Variants in ATP2B4 observed in about 807,000 individuals in gnomAD.
ATP2B4 encodes the protein plasma membrane calcium-transporting ATPase 4.
A neutral mutation model predicts 110.3 loss-of-function variants in ATP2B4; 39 were observed. The observed-to-expected ratio is 0.35, with a 90% confidence interval of 0.27 to 0.46. ATP2B4 has a LOEUF of 0.46. Among genes scored for constraint, ATP2B4 ranks in the 20% least tolerant of loss-of-function variants. ATP2B4 has a pLI of 1.00. For missense variants in ATP2B4, 1,135 were observed against 1,530.9 expected (o/e 0.74, Z 4.32); for synonymous variants, 538 against 571.7 (o/e 0.94, Z 0.84).
chr1:203,633,879 C>T (rs960896669), intron 1 of ATP2B4, among the ~76,000 whole-genome samples: 7 of 151,820 alleles, frequency 4.6e-5, no homozygotes, highest in Admixed American at 1.3e-4. Flanking sequence ...GGAGAAACCC[C>T]GTCTCTACTA....
At chr1:203,643,987 T>C (rs925497303) in intron 1 of ATP2B4, among the ~76,000 whole-genome samples, 1 of 152,116 alleles carries the variant, frequency 6.6e-6, no homozygotes, top group Non-Finnish European at 1.5e-5. Context: ...TGGTGGCTCA[T>C]GTTTGTAATC....
intron 1 of ATP2B4, among the ~76,000 whole-genome samples, chr1:203,682,337 C>T (rs1455267798): frequency 6.6e-6 from 1 of 152,142 alleles, no homozygotes; most frequent in Non-Finnish European, 1.5e-5. Context: ...TTTTTCTGAC[C>T]TCTTCTCATC....
At chr1:203,738,926 G>A (rs1165679900) in intron 20 of ATP2B4, among the ~76,000 whole-genome samples, 1 of 152,176 alleles carries the variant, frequency 6.6e-6, no homozygotes, top group Non-Finnish European at 1.5e-5. Flanking sequence ...ATTATTATTA[G>A]AGAGTTTTAA....
At position 203,739,422 on chromosome 1, in the gene ATP2B4, A is replaced by T. The variant is rs199735398; in HGVS notation, c.3310-124A>T. ...CTCTTCTGATGTGTGTTTGGTTTTG[A>T]TGCTGAGCAGTCATGTTTTATAGTC... On this transcript the variant is annotated intron_variant, in intron 20 of 20. Transcript: ENST00000357681. The T allele has an allele frequency of 1.6e-3, 1,558 of 945,734 alleles. 18 individuals are homozygous for T. The East Asian group carries it at 0.025, about 15-fold the overall frequency. 58.6% of individuals were successfully genotyped at this position (945,734 alleles called of 1,614,324 possible). A position where few individuals can be genotyped will look rare whatever the true frequency, so the allele number is the denominator to read the frequency against.
intron 1 of ATP2B4, among the ~76,000 whole-genome samples, chr1:203,680,817 A>G (rs184039646): frequency 8.9e-4 from 135 of 152,338 alleles, no homozygotes; most frequent in Non-Finnish European, 1.3e-4. Context: ...AAGGCTAAGT[A>G]ACATCCCTGT....
chr1:203,639,114 A>G (rs1031142475), intron 1 of ATP2B4, among the ~76,000 whole-genome samples: 2 of 152,136 alleles, frequency 1.3e-5, no homozygotes, highest in Non-Finnish European at 2.9e-5. Context: ...GAGGAAGTGC[A>G]GAGGGGAAGG....
At chr1:203,669,727 G>A (rs540498267) in intron 1 of ATP2B4, among the ~76,000 whole-genome samples, 4 of 152,288 alleles carry the variant, frequency 2.6e-5, no homozygotes, top group Admixed American at 1.3e-4. Context: ...GTGAGCCACC[G>A]TTCCTGGCCC....
At chr1:203,733,751 C>G in intron 20 of ATP2B4, 1 of 208,334 alleles carries the variant, frequency 4.8e-6, no homozygotes, top group Non-Finnish European at 9.5e-6. Flanking sequence ...TGTTGTTGTT[C>G]CTCTCTTCTC....
chr1:203,689,963 A>G (rs1183926045), intron 2 of ATP2B4, among the ~76,000 whole-genome samples: 1 of 152,190 alleles, frequency 6.6e-6, no homozygotes, highest in African/African-American at 2.4e-5. Flanking sequence ...GATCATTGCT[A>G]CCACCTGCTG....
At chr1:203,657,119 C>A in intron 1 of ATP2B4, 1 of 823,886 alleles carries the variant, frequency 1.2e-6, no homozygotes, top group South Asian at 1.4e-5. Context: ...ATAACACCCA[C>A]AGTTGTATAC....
At chr1:203,711,901 AC>A in intron 12 of ATP2B4, 58 bp from the exon 13 acceptor site, 1 of 1,565,826 alleles carries the variant, frequency 6.4e-7, no homozygotes, top group Non-Finnish European at 8.7e-7. Flanking sequence ...ACAAACAGGG[AC>A]AGCTTACCAG....
intron 1 of ATP2B4, among the ~76,000 whole-genome samples, chr1:203,642,868 T>G (rs1663673267): frequency 6.6e-6 from 1 of 152,194 alleles, no homozygotes; most frequent in Non-Finnish European, 1.5e-5. Flanking sequence ...CACACACAAA[T>G]GAAGAGTGAT....
At chr1:203,729,725 G>A (rs780261616) in intron 20 of ATP2B4, 2 of 1,352,030 alleles carry the variant, frequency 1.5e-6, no homozygotes, top group South Asian at 1.2e-5. Context: ...GGAGCCCTGA[G>A]CACTTCTCCG....
chr1:203,699,393 CACT>C, intron 3 of ATP2B4, 64 bp from the exon 4 acceptor site: 1 of 1,584,072 alleles, frequency 6.3e-7, no homozygotes, highest in Non-Finnish European at 8.6e-7. Flanking sequence ...ATTGTGGAAG[CACT>C]ACTCCTATTT....
rs1413302310 is a variant in ATP2B4, at chr1:203,700,832, G to A, written c.810G>A (p.Val270=). The change falls in exon 6 of 21, where the codon GTG becomes GTA. Residue 270 remains valine (V), a synonymous_variant. Transcript: ENST00000357681. ...THVMEGSGRM[V]VTAVGVNSQT... is the part of the protein sequence containing the mutation. Reference sequence around the variant, plus strand: ...TCATGGAAGGTTCTGGCCGGATGGTGGTGACAGCTGTTGGTGTCAACTCTC... The same window carrying A: ...TCATGGAAGGTTCTGGCCGGATGGTAGTGACAGCTGTTGGTGTCAACTCTC... The A allele has an allele frequency of 6.2e-7, 1 of 1,613,690 alleles. No individual in the cohort carries two copies. Among genetic ancestry groups the A allele is most frequent in the African/African-American group, 1.3e-5 (1 of 74,954 alleles).
chr1:203,706,923 G>A, intron 8 of ATP2B4, 86 bp from the exon 9 acceptor site: 1 of 1,160,768 alleles, frequency 8.6e-7, no homozygotes, highest in Non-Finnish European at 1.2e-6. Context: ...TGGCAACAAA[G>A]GCTACAACTG....
chr1:203,711,986 A>G lies in ATP2B4; in HGVS notation c.2058A>G (p.Lys686=). Residue 686 remains lysine (K), a synonymous_variant, in exon 13 of 21, where the codon AAA becomes AAG. Transcript: ENST00000357681. The part of the protein sequence containing the change: ...PEVPDAIAKC[K]QAGITVRMVT... ...TGCCAGATGCTATTGCCAAATGCAA[A>G]CAAGCTGGCATTACTGTCAGAATGG... The G allele has an allele frequency of 8.7e-6, 14 of 1,614,130 alleles. No homozygotes were observed. Among genetic ancestry groups the G allele is most frequent in the Non-Finnish European group, 1.1e-5 (13 of 1,179,982 alleles).
At chr1:203,638,529 G>C (rs1339622792) in intron 1 of ATP2B4, among the ~76,000 whole-genome samples, 1 of 152,122 alleles carries the variant, frequency 6.6e-6, no homozygotes, top group Non-Finnish European at 1.5e-5. Context: ...TTGTCACCAG[G>C]CTCATTTTAC....
At chr1:203,628,431 TAAC>T (rs893927210) in intron 1 of ATP2B4, among the ~76,000 whole-genome samples, 3 of 152,046 alleles carry the variant, frequency 2.0e-5, no homozygotes, top group African/African-American at 7.2e-5. Context: ...CTGCCGGACT[TAAC>T]AATAACTTGC....
Sources: allele counts gnomAD v4.1 joint callset (sites outside exome capture counted in the v4.1 genomes callset), GRCh38; gene constraint gnomAD v4.1.1; transcripts MANE v1.5; gene names NCBI Gene and HGNC (gene_info 2026-07-23, HGNC 2026-07-21).